Variants in RCOR1 observed in about 807,000 individuals in gnomAD.
The protein encoded by RCOR1 is REST corepressor.
Under a neutral mutation model 64.0 loss-of-function variants are expected in RCOR1, and 12 were observed. That is an observed-to-expected ratio of 0.19 (90% CI 0.12 to 0.30). The LOEUF is 0.30. Among genes scored for constraint, RCOR1 ranks in the 10% least tolerant of loss-of-function variants. The pLI, the probability that RCOR1 is intolerant of heterozygous loss-of-function variation, is 1.00. For synonymous variants in RCOR1, 279 were observed against 227.2 expected (o/e 1.23, Z -2.05); for missense variants, 502 against 621.2 (o/e 0.81, Z 2.04).
chr14:102,724,465 G>A (rs1045641668), intron 11 of RCOR1, among the ~76,000 whole-genome samples: 17 of 151,998 alleles, frequency 1.1e-4, no homozygotes, highest in African/African-American at 4.1e-4. Flanking sequence ...CCTAGTAGCT[G>A]GGATTATGGG....
chr14:102,630,905 C>T (rs1169669944), intron 2 of RCOR1, among the ~76,000 whole-genome samples: 1 of 152,084 alleles, frequency 6.6e-6, no homozygotes, highest in East Asian at 1.9e-4. Flanking sequence ...CTGCTTGCTC[C>T]ACTGTGATCT....
chr14:102,669,805 C>CT (rs1894994942), intron 2 of RCOR1, among the ~76,000 whole-genome samples: 1 of 152,140 alleles, frequency 6.6e-6, no homozygotes, highest in Non-Finnish European at 1.5e-5. Context: ...TGATTTCTAT[C>CT]TTTTTGATTA....
chr14:102,626,287 T>C (rs1300488755), intron 2 of RCOR1, among the ~76,000 whole-genome samples: 4 of 152,182 alleles, frequency 2.6e-5, no homozygotes, highest in Admixed American at 2.0e-4. Flanking sequence ...CCCCGGAAAA[T>C]AGAGCATACA....
chr14:102,712,950 T>C (rs995433335), intron 7 of RCOR1, among the ~76,000 whole-genome samples: 2 of 70,630 alleles, frequency 2.8e-5, no homozygotes, highest in Non-Finnish European at 5.3e-5. Context: ...AATCATTGTT[T>C]TTTTTTTTTT....
At chr14:102,724,697 T>C (rs959493274) in intron 11 of RCOR1, among the ~76,000 whole-genome samples, 1 of 152,234 alleles carries the variant, frequency 6.6e-6, no homozygotes, top group African/African-American at 2.4e-5. Flanking sequence ...CACCTAGTTT[T>C]ATGTTCTCCA....
Position 102,669,959 on chromosome 14 carries a change from T to G in RCOR1, c.362-11936T>G, listed in dbSNP as rs74245769. 3.8e-3 allele frequency among the ~76,000 whole-genome samples: 579 copies of G among 152,294 alleles called. 8 individuals carry two copies. The highest frequency in any genetic ancestry group is 0.028 in the East Asian group (147 of 5,186). ...TCCATACATTTAAGAATAAGAATTATAAGAATTTAGAGACAGAGCCTTGCT... is the reference window on the plus strand; with the variant it reads ...TCCATACATTTAAGAATAAGAATTAGAAGAATTTAGAGACAGAGCCTTGCT... On this transcript the variant is annotated intron_variant, in intron 2 of 11. Coordinates refer to ENST00000262241, the MANE Select transcript of RCOR1 (RefSeq NM_015156.4).
At chr14:102,600,351 A>G (rs910587934) in intron 2 of RCOR1, among the ~76,000 whole-genome samples, 4 of 151,952 alleles carry the variant, frequency 2.6e-5, no homozygotes, top group African/African-American at 9.7e-5. Context: ...CTGGGATTAC[A>G]AGCGTGAGCC....
At chr14:102,621,154 TAG>T (rs1213366269) in intron 2 of RCOR1, among the ~76,000 whole-genome samples, 1 of 152,148 alleles carries the variant, frequency 6.6e-6, no homozygotes, top group Non-Finnish European at 1.5e-5. Context: ...GAATTTTTTG[TAG>T]AGACAGGATC....
chr14:102,620,964 TA>T (rs920124331), intron 2 of RCOR1, among the ~76,000 whole-genome samples: 3 of 151,986 alleles, frequency 2.0e-5, no homozygotes, highest in Admixed American at 6.6e-5. Flanking sequence ...ATGTCACAAC[TA>T]AAAAAAATTA....
At chr14:102,611,334 G>A (rs1230392845) in intron 2 of RCOR1, among the ~76,000 whole-genome samples, 1 of 152,060 alleles carries the variant, frequency 6.6e-6, no homozygotes, top group Admixed American at 6.5e-5. Context: ...CTCCCAAAGT[G>A]TAGGGATTAC....
intron 2 of RCOR1, among the ~76,000 whole-genome samples, chr14:102,623,964 C>T (rs1484278268): frequency 2.0e-5 from 3 of 151,390 alleles, no homozygotes; most frequent in South Asian, 2.1e-4. Context: ...GAGGCTGAGG[C>T]GGGTGGATCA....
At chr14:102,701,081 T>A (rs571470651) in intron 3 of RCOR1, among the ~76,000 whole-genome samples, 197 bp from the exon 4 acceptor site, 1 of 152,330 alleles carries the variant, frequency 6.6e-6, no homozygotes, top group East Asian at 1.9e-4. Flanking sequence ...CCATCCTCCA[T>A]GATTCAGTTA....
At position 102,657,006 on chromosome 14, in the gene RCOR1, C is replaced by G. The variant is rs144878444; in HGVS notation, c.362-24889C>G. 2.4e-4 allele frequency: 180 copies of G among 754,512 alleles called. No individual in the cohort carries two copies. In the African/African-American group the frequency reaches 3.4e-3, roughly 14 times the overall value. 46.7% of individuals were successfully genotyped at this position (754,512 alleles called of 1,614,324 possible). The stretch of plus-strand genomic sequence containing the variant: ...GCCAGGATGGTCGCGAACTCCTGAC[C>G]TCATGTGATCCACCCGCATCAGCCT... On this transcript the variant is annotated intron_variant, in intron 2 of 11. Transcript: ENST00000262241.
rs1459454491 is a variant in RCOR1 at position 102,727,637 on chromosome 14, ACACAAACACCATGCACTCTCTTTT to A, written c.*1134_*1157del. Reference sequence around the variant, plus strand: ...GTGTCCTTCATGTGCTGATGTGATTACACAAACACCATGCACTCTCTTTTCATATCAGAGTACAGGACAGAGAAG... The same window carrying A: ...GTGTCCTTCATGTGCTGATGTGATTACATATCAGAGTACAGGACAGAGAAG... On this transcript the variant is annotated 3_prime_UTR_variant, in exon 12 of 12. Coordinates refer to ENST00000262241, the MANE Select transcript of RCOR1 (RefSeq NM_015156.4). The A allele has an allele frequency of 1.3e-5, 2 of 152,132 alleles. No individual in the cohort carries two copies. The highest frequency in any genetic ancestry group is 3.9e-4 in the East Asian group (2 of 5,194). 9.4% of individuals were successfully genotyped at this position (152,132 alleles called of 1,614,324 possible). A position where few individuals can be genotyped will look rare whatever the true frequency, so the allele number is the denominator to read the frequency against.
chr14:102,611,025 T>G (rs1319752553), intron 2 of RCOR1, among the ~76,000 whole-genome samples: 1 of 152,148 alleles, frequency 6.6e-6, no homozygotes, highest in African/African-American at 2.4e-5. Flanking sequence ...TAAGGTTATT[T>G]GAAAGAGCAA....
chr14:102,706,314 C>T (rs1335154769), intron 4 of RCOR1, among the ~76,000 whole-genome samples: 1 of 151,752 alleles, frequency 6.6e-6, no homozygotes, highest in East Asian at 1.9e-4. Context: ...TACAGGATCC[C>T]AGTATATACA....
intron 2 of RCOR1, among the ~76,000 whole-genome samples, chr14:102,604,344 A>T (rs547180827): frequency 1.3e-5 from 2 of 152,354 alleles, no homozygotes; most frequent in Admixed American, 6.5e-5. Context: ...TAAAACTAAC[A>T]GCTGTCTTAG....
intron 2 of RCOR1, among the ~76,000 whole-genome samples, chr14:102,665,572 C>G (rs1285907924): frequency 6.6e-6 from 1 of 152,068 alleles, no homozygotes; most frequent in Non-Finnish European, 1.5e-5. Context: ...TCATAGAAAC[C>G]CATGCAAGGT....
chr14:102,629,961 C>T (rs1260621210), intron 2 of RCOR1: 4 of 964,646 alleles, frequency 4.1e-6, no homozygotes, highest in East Asian at 2.3e-4. Flanking sequence ...TTATATGTGA[C>T]CTCCTAGATA....
Sources: allele counts gnomAD v4.1 joint callset (sites outside exome capture counted in the v4.1 genomes callset), GRCh38; gene constraint gnomAD v4.1.1; transcripts MANE v1.5; gene names NCBI Gene and HGNC (gene_info 2026-07-23, HGNC 2026-07-21).